NAV1: variants seen among roughly 807,000 people sequenced by gnomAD.
NAV1 encodes the protein pore membrane and/or filament interacting like protein 3.
In NAV1, 18 loss-of-function variants were observed where a neutral mutation model predicts 175.2. The ratio of observed to expected loss-of-function variants is 0.10; its 90% CI spans 0.07 to 0.15. The LOEUF (loss-of-function observed/expected upper bound fraction) is 0.15. NAV1 is among the 10% of genes least tolerant of loss of function. NAV1 has a pLI of 1.00. For synonymous variants in NAV1, 897 were observed against 978.7 expected (o/e 0.92, Z 1.56); for missense variants, 1,731 against 2,436.6 (o/e 0.71, Z 6.10).
intron 1 of NAV1, among the ~76,000 whole-genome samples, chr1:201,577,472 A>AT (rs36112197): frequency 0.1 from 9,982 of 97,254 alleles, 202 homozygotes; most frequent in Non-Finnish European, 0.12. Flanking sequence ...TGAGACTTAG[A>AT]TTTTTTTTTT....
At chr1:201,818,538 A>G (rs890642949) in intron 29 of NAV1, among the ~76,000 whole-genome samples, 1 of 152,182 alleles carries the variant, frequency 6.6e-6, no homozygotes, top group South Asian at 2.1e-4. Flanking sequence ...CAAAAAAAAA[A>G]AAAAAAGATA....
Position 201,681,646 on chromosome 1 carries a change from A to T in NAV1, c.758-31171A>T, listed in dbSNP as rs78163537. Among the ~76,000 whole-genome samples the T allele has an allele frequency of 3.0e-3, 455 of 152,162 alleles. 2 individuals are homozygous for T. The East Asian group carries it at 0.039, about 13-fold the overall frequency. On this transcript the variant is annotated intron_variant, in intron 1 of 29. Transcript: ENST00000367296. ...CAGCCTGGAAACACCTACTTCCTCC[A>T]TCTTCACCTATAAACATCTTACCCA...
chr1:201,672,019 T>A (rs1364061085), intron 1 of NAV1, among the ~76,000 whole-genome samples: 3 of 152,222 alleles, frequency 2.0e-5, no homozygotes, highest in African/African-American at 7.2e-5. Flanking sequence ...TCTCTCCTCT[T>A]TAGCCTGCCA....
At chr1:201,780,509 A>C (rs1477059362) in exon 4 of NAV1, 1 of 1,614,132 alleles carries the variant, frequency 6.2e-7, no homozygotes, top group East Asian at 2.2e-5. Flanking sequence ...CTCCTCACTC[A>C]ACTCCCTCCC....
intron 3 of NAV1, among the ~76,000 whole-genome samples, chr1:201,751,301 A>T (rs1411646710): frequency 6.6e-6 from 1 of 152,230 alleles, no homozygotes; most frequent in Admixed American, 6.5e-5. Context: ...TATATGTTTG[A>T]TATCCAGCCC....
At chr1:201,797,970 G>T (rs2102767716) in intron 15 of NAV1, 1 of 152,186 alleles carries the variant, frequency 6.6e-6, no homozygotes, top group Admixed American at 6.5e-5. Context: ...CCACTTAGTT[G>T]ACCTCATAGA....
At chr1:201,609,729 C>T (rs960385685) in intron 2 of NAV1, among the ~76,000 whole-genome samples, 1 of 152,162 alleles carries the variant, frequency 6.6e-6, no homozygotes, top group Non-Finnish European at 1.5e-5. Context: ...TCTCCCAGCC[C>T]CAAGGTTCCG....
At chr1:201,763,855 A>G (rs1171626366) in intron 3 of NAV1, among the ~76,000 whole-genome samples, 2 of 152,242 alleles carry the variant, frequency 1.3e-5, no homozygotes, top group African/African-American at 4.8e-5. Context: ...TTGTTCCACA[A>G]AGTGCTATCC....
chr1:201,558,597 C>T (rs1034811968), intron 1 of NAV1, among the ~76,000 whole-genome samples: 3 of 152,130 alleles, frequency 2.0e-5, no homozygotes, highest in Non-Finnish European at 2.9e-5. Flanking sequence ...GGATTACAGG[C>T]GCACACCACC....
chr1:201,697,676 G>A (rs574411186), intron 1 of NAV1, among the ~76,000 whole-genome samples: 1 of 152,148 alleles, frequency 6.6e-6, no homozygotes, highest in African/African-American at 2.4e-5. Flanking sequence ...TTGCAGCAGG[G>A]CTGTCTATAC....
chr1:201,822,199 G>A (rs777299340), exon 30 of NAV1: 2 of 152,870 alleles, frequency 1.3e-5, no homozygotes, highest in Non-Finnish European at 2.9e-5. Flanking sequence ...GTGGTGGGAA[G>A]AGGCTGTGTG....
intron 2 of NAV1, among the ~76,000 whole-genome samples, chr1:201,613,256 T>C (rs1397121089): frequency 6.6e-6 from 1 of 152,198 alleles, no homozygotes; most frequent in Non-Finnish European, 1.5e-5. Flanking sequence ...GTATTTATTT[T>C]GGAAACTTGG....
intron 1 of NAV1, among the ~76,000 whole-genome samples, chr1:201,702,346 A>T (rs986264461): frequency 1.3e-5 from 2 of 152,134 alleles, no homozygotes; most frequent in African/African-American, 4.8e-5. Context: ...AAAACAATTG[A>T]ACTGTACATT....
At chr1:201,727,974 A>G (rs1672679305) in intron 3 of NAV1, among the ~76,000 whole-genome samples, 1 of 152,188 alleles carries the variant, frequency 6.6e-6, no homozygotes, top group South Asian at 2.1e-4. Context: ...CAGCACATAC[A>G]GGAACAGTGA....
intron 1 of NAV1, among the ~76,000 whole-genome samples, chr1:201,554,657 G>A (rs1463020163): frequency 1.3e-5 from 2 of 152,200 alleles, no homozygotes; most frequent in East Asian, 1.9e-4. Flanking sequence ...CTTTTTGGAA[G>A]AGCACTGGAC....
chr1:201,773,525 C>T (rs1372092727), intron 3 of NAV1, among the ~76,000 whole-genome samples: 2 of 152,124 alleles, frequency 1.3e-5, no homozygotes, highest in African/African-American at 2.4e-5. Context: ...ACATTAGGCT[C>T]TGAACCAGAG....
upstream of NAV1, among the ~76,000 whole-genome samples, chr1:201,619,560 C>T (rs1005276555): frequency 1.3e-5 from 2 of 152,246 alleles, no homozygotes; most frequent in African/African-American, 4.8e-5. Flanking sequence ...CAGATTCTCA[C>T]AGCTGCAGGT....
exon 30 of NAV1, chr1:201,825,588 T>C (rs960097310): frequency 6.6e-6 from 1 of 152,324 alleles, no homozygotes; most frequent in African/African-American, 2.4e-5. Flanking sequence ...TCCTCTCTTT[T>C]CCCCACAGCA....
chr1:201,679,291 T>C (rs1187550708), intron 1 of NAV1, among the ~76,000 whole-genome samples: 1 of 152,158 alleles, frequency 6.6e-6, no homozygotes, highest in East Asian at 1.9e-4. Context: ...ATTACCGGTG[T>C]GCATCTGGGA....
Sources: gnomAD v4.1 joint callset for allele counts (sites outside exome capture counted in the v4.1 genomes callset) on GRCh38, gnomAD v4.1.1 for gene constraint, MANE v1.5 for transcripts, NCBI Gene and HGNC (gene_info 2026-07-23, HGNC 2026-07-21) for gene names.